WDR44: variants seen among roughly 807,000 people sequenced by gnomAD.
The protein encoded by WDR44 is WD repeat-containing protein 44.
WDR44 carries 9 observed loss-of-function variants against 65.7 expected under a neutral mutation model. That is an observed-to-expected ratio of 0.14 (90% CI 0.08 to 0.24). The LOEUF is 0.24. Among genes scored for constraint, WDR44 ranks in the 10% least tolerant of loss-of-function variants. WDR44 has a pLI of 1.00. For synonymous variants in WDR44, 220 were observed against 235.2 expected, an observed-to-expected ratio of 0.94 and a Z score of 0.59; for missense variants, 425 against 670.9, an observed-to-expected ratio of 0.63 and a Z score of 4.05.
At chrX:118,404,864 C>A (rs766327189) in intron 9 of WDR44, among the ~76,000 whole-genome samples, 1 of 110,084 alleles carries the variant, frequency 9.1e-6, no homozygotes, top group African/African-American at 3.3e-5. Context: ...CCACACCTGG[C>A]TAATTTTTTG....
At chrX:118,442,022 G>A (rs931132423) in intron 15 of WDR44, among the ~76,000 whole-genome samples, 2 of 112,117 alleles carry the variant, frequency 1.8e-5, no homozygotes, top group African/African-American at 6.5e-5. Context: ...GATTATAGGC[G>A]TGAGCCACCA....
At chrX:118,380,118 T>A (rs1255887103) in intron 2 of WDR44, among the ~76,000 whole-genome samples, 1 of 112,202 alleles carries the variant, frequency 8.9e-6, no homozygotes, top group Non-Finnish European at 1.9e-5. Flanking sequence ...TGTTCATTTT[T>A]TTAACTTTTT....
intron 1 of WDR44, among the ~76,000 whole-genome samples, chrX:118,349,387 A>C (rs1387881911): frequency 9.3e-6 from 1 of 107,494 alleles, no homozygotes; most frequent in African/African-American, 3.4e-5. Flanking sequence ...GCTCAGCTAA[A>C]GGTTTTTTTA....
chrX:118,410,951 G>T lies in WDR44; in HGVS notation c.1729G>T (p.Asp577Tyr). The T allele has an allele frequency of 8.4e-7, 1 of 1,190,489 alleles. No homozygotes were observed. Residue 577 changes from aspartate (D) to tyrosine (Y), a missense_variant, in exon 12 of 20, where the codon GAT (aspartate) becomes TAT (tyrosine). By Grantham distance (160) the Asp-to-Tyr change is radical. This residue lies in a region of WDR44 where 45 missense variants were observed against 50.0 expected (regional missense o/e 0.90). Coordinates refer to ENST00000254029, the MANE Select transcript of WDR44 (RefSeq NM_019045.5). ...TCTAAGTTCATCAAAATCGGATACA[G>T]ATACAGGGGTATGCTTATTGTTTTA... ...ESLSSSKSDT[D>Y]TGVCSGTDED... is the part of the protein sequence containing the mutation.
intron 19 of WDR44, among the ~76,000 whole-genome samples, chrX:118,448,356 G>A (rs2057365817): frequency 8.9e-6 from 1 of 112,142 alleles, no homozygotes; most frequent in South Asian, 3.7e-4. Context: ...ATTCAGCATA[G>A]TTATATAGCT....
intron 1 of WDR44, among the ~76,000 whole-genome samples, chrX:118,366,912 C>T (rs758488774): frequency 1.7e-3 from 185 of 111,068 alleles, no homozygotes; most frequent in African/African-American, 5.2e-3. Flanking sequence ...GGTGAAACCC[C>T]GTCTCTACTA....
chrX:118,383,076 C>G (rs750705111), intron 2 of WDR44, among the ~76,000 whole-genome samples: 1 of 111,691 alleles, frequency 9.0e-6, no homozygotes, highest in Non-Finnish European at 1.9e-5. Flanking sequence ...TATCCTAAGT[C>G]TGATTTTATT....
At chrX:118,446,970 A>G in intron 19 of WDR44, 1 of 274,555 alleles carries the variant, frequency 3.6e-6, no homozygotes, top group South Asian at 3.7e-5. Context: ...CCTGTGCTCA[A>G]GCAATCTTCC....
At chrX:118,361,535 A>G (rs1394745810) in intron 1 of WDR44, among the ~76,000 whole-genome samples, 1 of 112,014 alleles carries the variant, frequency 8.9e-6, no homozygotes, top group African/African-American at 3.2e-5. Flanking sequence ...CTTGAGCCCA[A>G]GAGTTCAAGA....
intron 12 of WDR44, among the ~76,000 whole-genome samples, chrX:118,421,164 G>A (rs1251912368): frequency 2.7e-5 from 3 of 111,813 alleles, no homozygotes; most frequent in Admixed American, 1.9e-4. Context: ...TTGCTTTAGG[G>A]AAAAGGGCTT....
intron 12 of WDR44, among the ~76,000 whole-genome samples, chrX:118,430,666 C>T (rs1268313476): frequency 9.0e-6 from 1 of 111,295 alleles, no homozygotes; most frequent in Non-Finnish European, 1.9e-5. Flanking sequence ...ATGGTGAAAC[C>T]CTGTGTCTAC....
At chrX:118,432,049 C>T (rs889688075) in intron 12 of WDR44, among the ~76,000 whole-genome samples, 2 of 111,930 alleles carry the variant, frequency 1.8e-5, no homozygotes, top group Non-Finnish European at 3.8e-5. Flanking sequence ...TTATTTTCTA[C>T]CTACCTCTGT....
chrX:118,369,509 A>G (rs745688109), intron 1 of WDR44, among the ~76,000 whole-genome samples: 66 of 82,731 alleles, frequency 8.0e-4, no homozygotes, highest in African/African-American at 2.3e-3. Flanking sequence ...TTGCTCTGTC[A>G]CCCAGGCTGG....
chrX:118,425,299 A>G (rs1410827316), intron 12 of WDR44, among the ~76,000 whole-genome samples: 1 of 112,330 alleles, frequency 8.9e-6, no homozygotes, highest in Non-Finnish European at 1.9e-5. Flanking sequence ...AGAGAATGAC[A>G]TAATCTGATT....
chrX:118,371,851 G>A (rs901881807), intron 1 of WDR44, among the ~76,000 whole-genome samples: 1 of 110,322 alleles, frequency 9.1e-6, no homozygotes, highest in Non-Finnish European at 1.9e-5. Context: ...CCGTGTGTGT[G>A]GTTTAATAAA....
Position 118,378,419 on chromosome X carries a change from G to T in WDR44, c.78G>T (p.Gly26=). The change falls in exon 2 of 20, where the codon GGG becomes GGT. Residue 26 remains glycine, a splice_region_variant and synonymous_variant. Coordinates refer to ENST00000254029, the MANE Select transcript of WDR44 (RefSeq NM_019045.5). ...CCTCCTTACTTTTATTTCTGAACAG[G>T]TCTCCAGGAAAAGTTGGGCTTTCAA... ...DVHLGGGYPV[G]SPGKVGLSTF... 8.3e-7 allele frequency: 1 copy of T among 1,207,073 alleles called. No homozygotes were observed.
chrX:118,412,084 A>G (rs946280739), intron 12 of WDR44, among the ~76,000 whole-genome samples: 16 of 112,173 alleles, frequency 1.4e-4, no homozygotes, highest in Admixed American at 3.8e-4. Context: ...TATAAATCAC[A>G]GTGTTAGGAA....
At chrX:118,425,698 A>C (rs776714351) in intron 12 of WDR44, among the ~76,000 whole-genome samples, 2 of 112,364 alleles carry the variant, frequency 1.8e-5, no homozygotes, top group Non-Finnish European at 3.8e-5. Flanking sequence ...CAAATAAGCA[A>C]TACAGTATAT....
chrX:118,385,782 A>AATC (rs2056761117), intron 2 of WDR44, among the ~76,000 whole-genome samples: 1 of 111,754 alleles, frequency 8.9e-6, no homozygotes, highest in Non-Finnish European at 1.9e-5. Flanking sequence ...AATGGCAAGG[A>AATC]ATCATCCTAT....
Sources: gnomAD v4.1 joint callset for allele counts (sites outside exome capture counted in the v4.1 genomes callset) on GRCh38, gnomAD v4.1.1 for gene constraint, gnomAD v4.1.1 regional missense constraint, MANE v1.5 for transcripts, NCBI Gene and HGNC (gene_info 2026-07-23, HGNC 2026-07-21) for gene names.